Variants in SIDT2 observed in about 807,000 individuals in gnomAD.
SIDT2 encodes SID1 transmembrane family, member 2.
In SIDT2, 68 loss-of-function variants were observed where a neutral mutation model predicts 114.4. The ratio of observed to expected loss-of-function variants is 0.59; its 90% CI spans 0.49 to 0.73. The LOEUF is 0.73. Ranked by LOEUF, SIDT2 falls within the 30% of genes least tolerant of loss-of-function variation. SIDT2 has a pLI of 0.00. For missense variants in SIDT2, 918 were observed against 1,097.1 expected (o/e 0.84, Z 2.31); for synonymous variants, 470 against 438.4 (o/e 1.07, Z -0.90).
At position 117,178,875 on chromosome 11, in the gene SIDT2, GGCCAGCCCCCGCC is replaced by G. The variant is rs2030131868; in HGVS notation, c.-385_-373del. 1 of 201,980 alleles carries G rather than the reference GGCCAGCCCCCGCC, an allele frequency of 5.0e-6. No homozygotes were observed. The highest frequency in any genetic ancestry group is 2.3e-5 in the African/African-American group (1 of 42,554). 12.5% of individuals were successfully genotyped at this position (201,980 alleles called of 1,614,324 possible). On this transcript the variant is annotated 5_prime_UTR_variant, in exon 1 of 26. Transcript: ENST00000324225. ...CACTCTGCGACTCGCCTTCCTCCGC[GGCCAGCCCCCGCC>G]GCCGGCTCTTCCTCCCTCCCCTTTC...
intron 6 of SIDT2, among the ~76,000 whole-genome samples, chr11:117,183,042 A>T (rs1229154559): frequency 6.6e-6 from 1 of 152,140 alleles, no homozygotes; most frequent in Non-Finnish European, 1.5e-5. Context: ...TACCTACTTC[A>T]TTCATTGTAA....
At position 117,189,254 on chromosome 11, in the gene SIDT2, G is replaced by A; in HGVS notation, c.1352+12G>A. The A allele has an allele frequency of 1.9e-6, 3 of 1,614,232 alleles. No homozygotes were observed. The highest frequency in any genetic ancestry group is 2.5e-6 in the Non-Finnish European group (3 of 1,180,026). ...CAGATCTACTTCTGGTGAGTGGGCTGAGTGTCTGGGGCTCTGCTGTTGGTG... is the reference window on the plus strand; with the variant it reads ...CAGATCTACTTCTGGTGAGTGGGCTAAGTGTCTGGGGCTCTGCTGTTGGTG... On this transcript the variant is annotated intron_variant, in intron 14 of 25. Coordinates refer to ENST00000324225, the MANE Select transcript of SIDT2 (RefSeq NM_001040455.2).
In SIDT2 at chr11:117,192,572, A is replaced by G; in HGVS notation, c.1982-2A>G. 1 of 1,608,568 alleles carries G rather than the reference A, an allele frequency of 6.2e-7. No individual in the cohort carries two copies. The highest frequency in any genetic ancestry group is 8.5e-7 in the Non-Finnish European group (1 of 1,179,998). ...GTCAGCACCACTCCCTTCTCTTCGC[A>G]GACTCGGGGATCTTCCGCCGCATCC... On this transcript the variant is annotated splice_acceptor_variant, in intron 20 of 25. Coordinates refer to ENST00000324225, the MANE Select transcript of SIDT2 (RefSeq NM_001040455.2). LOFTEE classifies it high-confidence loss of function. This position sits in a 1 kb window ranked among gnomAD's most constrained non-coding sequence, Gnocchi z 5.9.
At chr11:117,189,120 G>T in intron 13 of SIDT2, 49 bp from the exon 14 acceptor site, 6 of 1,581,138 alleles carry the variant, frequency 3.8e-6, no homozygotes, top group Non-Finnish European at 5.2e-6. Context: ...TGGGGGAGGG[G>T]GCTTCTCCCA....
intron 10 of SIDT2, among the ~76,000 whole-genome samples, 180 bp downstream of exon 10, chr11:117,186,816 T>C (rs73578691): frequency 1.1e-3 from 165 of 152,200 alleles, no homozygotes; most frequent in African/African-American, 3.9e-3. Flanking sequence ...ATCCCTAACA[T>C]GCACACCTCA....
intron 4 of SIDT2, 92 bp from the exon 5 acceptor site, chr11:117,182,427 G>A: frequency 8.7e-7 from 1 of 1,151,636 alleles, no homozygotes; most frequent in South Asian, 1.3e-5. Context: ...AGAGGATTCT[G>A]GGTCCTCGCT....
chr11:117,179,211 C>T lies in SIDT2; in HGVS notation c.-53C>T, dbSNP rs1287129537. On this transcript the variant is annotated 5_prime_UTR_variant, in exon 1 of 26. Coordinates refer to ENST00000324225, the MANE Select transcript of SIDT2 (RefSeq NM_001040455.2). ...AACCCGTCCCGGAGGTGTCCTGTCTCCTGTCGCCGCCGCCGCCGCCACCAC... is the reference window on the plus strand; with the variant it reads ...AACCCGTCCCGGAGGTGTCCTGTCTTCTGTCGCCGCCGCCGCCGCCACCAC... 6.4e-7 allele frequency: 1 copy of T among 1,573,498 alleles called. No homozygotes were observed. The highest frequency in any genetic ancestry group is 2.2e-5 in the East Asian group (1 of 44,580).
chr11:117,187,245 G>A, intron 10 of SIDT2, 133 bp from the exon 11 acceptor site: 1 of 985,892 alleles, frequency 1.0e-6, no homozygotes, highest in Non-Finnish European at 1.6e-6. Context: ...GTGTTTGCCT[G>A]GATAGGTGCT....
At position 117,186,661 on chromosome 11, in the gene SIDT2, G is replaced by C. The variant is rs367732298; in HGVS notation, c.1015+25G>C. 3.6e-5 allele frequency: 55 copies of C among 1,544,248 alleles called. No homozygotes were observed. The African/African-American group carries it at 7.1e-4, about 20-fold the overall frequency. On this transcript the variant is annotated intron_variant, in intron 10 of 25. Transcript: ENST00000324225. ...GGTACCTCCAGGGGGCCTGGGTGGG[G>C]CGGGCACAGTGTGCTTTGTGTTTTG...
chr11:117,182,785 G>A lies in SIDT2; in HGVS notation c.681G>A (p.Lys227=). The part of the protein sequence containing the change: ...AFIGMYQTMT[K]KAAITVQRKD... The stretch of plus-strand genomic sequence containing the variant: ...TCGGCATGTACCAGACGATGACCAA[G>A]AAGGCGGCCATCACCGTACAGGTAG... The change falls in exon 6 of 26, where the codon AAG becomes AAA. Residue 227 remains lysine (K), a synonymous_variant. Transcript: ENST00000324225. The A allele has an allele frequency of 6.2e-7, 1 of 1,614,058 alleles. No individual in the cohort carries two copies. The highest frequency in any genetic ancestry group is 8.5e-7 in the Non-Finnish European group (1 of 1,179,984).
chr11:117,186,433 C>T (rs2030498452), intron 9 of SIDT2, 151 bp from the exon 10 acceptor site: 1 of 922,858 alleles, frequency 1.1e-6, no homozygotes, highest in Non-Finnish European at 1.7e-6. Context: ...TCCCATGTTG[C>T]TCCCCAGCCT....
At chr11:117,180,161 C>G (rs1045714052) in intron 1 of SIDT2, among the ~76,000 whole-genome samples, 3 of 152,116 alleles carry the variant, frequency 2.0e-5, no homozygotes, top group South Asian at 2.1e-4. Flanking sequence ...TGTGTGGTCT[C>G]GTGCCCGGGT....
At position 117,187,449 on chromosome 11, in the gene SIDT2, G is replaced by C; in HGVS notation, c.1087G>C (p.Glu363Gln). 1 of 1,613,932 alleles carries C rather than the reference G, an allele frequency of 6.2e-7. No homozygotes were observed. The change falls in exon 11 of 26, where the codon GAG (glutamate) becomes CAG (glutamine). Residue 363 changes from glutamate (E) to glutamine (Q), a missense_variant and splice_region_variant. Glu to Gln is a conservative substitution (Grantham distance 29). This residue lies in a region of SIDT2 where 553 missense variants were observed against 600.1 expected (regional missense o/e 0.92). Transcript: ENST00000324225. ...TGAGGGTTACAACTATGGCTCCTTT[G>C]GTACGTGTCAAAGCCAGCACCGTGC... ...PYEGYNYGSFENVSGSTDGLV... is the reference protein window; with the variant it reads ...PYEGYNYGSFQNVSGSTDGLV...
At chr11:117,194,112 G>T in intron 24 of SIDT2, 149 bp downstream of exon 24, 2 of 602,302 alleles carry the variant, frequency 3.3e-6, no homozygotes, top group Non-Finnish European at 5.8e-6. Context: ...ACCAGCCTGG[G>T]CAATATAGTA....
rs1423652546 is a variant in SIDT2, at chr11:117,192,303, A to G, written c.1922A>G (p.His641Arg). ...TTCTGGATCGTCTTCTCCATCATTC[A>G]CATCATCGCCACCCTGCTCCTCAGC... is the stretch of plus-strand genomic sequence containing the variant. ...TAFWIVFSII[H>R]IIATLLLSTQ... is the part of the protein sequence containing the mutation. Residue 641 changes from histidine (H) to arginine (R), a missense_variant, in exon 20 of 26, where the codon CAC becomes CGC. Coordinates refer to ENST00000324225, the MANE Select transcript of SIDT2 (RefSeq NM_001040455.2). The surrounding 1 kb of genome is among the most constrained non-coding windows in gnomAD (Gnocchi z 5.9). The G allele has an allele frequency of 1.9e-6, 3 of 1,612,800 alleles. No individual in the cohort carries two copies. The highest frequency in any genetic ancestry group is 2.5e-6 in the Non-Finnish European group (3 of 1,179,020).
intron 18 of SIDT2, chr11:117,191,549 A>T (rs2030701657): frequency 3.5e-6 from 1 of 281,798 alleles, no homozygotes; most frequent in Non-Finnish European, 6.7e-6. Context: ...CCACCATTGC[A>T]CGCCAGCCTG....
rs374730783 is a variant in SIDT2, at chr11:117,179,312, G to A, written c.49G>A (p.Glu17Lys). The change falls in exon 1 of 26, where the codon GAG becomes AAG. Residue 17 changes from glutamate to lysine, a missense_variant. Physicochemically the swap from Glu to Lys is moderately conservative, Grantham distance 56. Transcript: ENST00000324225. ...PFLVLLVASV[E>K]SHLGVLGPKN... ...CTTGGTGCTCTTGGTGGCCTCGGTCGAGAGCCATCTGGGGGTTCTGGGGCC... is the reference window on the plus strand; with the variant it reads ...CTTGGTGCTCTTGGTGGCCTCGGTCAAGAGCCATCTGGGGGTTCTGGGGCC... 6 of 1,614,152 alleles carry A rather than the reference G, an allele frequency of 3.7e-6. No individual in the cohort carries two copies. In the East Asian group the frequency reaches 1.3e-4, roughly 36 times the overall value.
At chr11:117,185,210 C>T (rs1565285691) in intron 8 of SIDT2, among the ~76,000 whole-genome samples, 3 of 152,026 alleles carry the variant, frequency 2.0e-5, no homozygotes, top group African/African-American at 4.8e-5. Context: ...CCACCACGCC[C>T]GGCTAATTTT....
At chr11:117,195,963 C>T in intron 25 of SIDT2, 41 bp from the exon 26 acceptor site, 2 of 1,614,272 alleles carry the variant, frequency 1.2e-6, no homozygotes, top group Non-Finnish European at 1.7e-6. Context: ...AAGGTAGCAG[C>T]TGCCTCCTTC....
Sources: gnomAD v4.1 joint callset for allele counts (sites outside exome capture counted in the v4.1 genomes callset) on GRCh38, gnomAD v4.1.1 for gene constraint, gnomAD v4.1.1 regional missense constraint, Gnocchi (gnomAD v3.1) non-coding constraint, MANE v1.5 for transcripts, NCBI Gene and HGNC (gene_info 2026-07-23, HGNC 2026-07-21) for gene names.